Variants in MON2 observed in about 807,000 individuals in gnomAD.
The protein encoded by MON2 is protein MON2 homolog.
Under a neutral mutation model 208.6 loss-of-function variants are expected in MON2, and 84 were observed. The ratio of observed to expected loss-of-function variants is 0.40; its 90% confidence interval spans 0.34 to 0.48. The LOEUF (loss-of-function observed/expected upper bound fraction) is 0.48, where lower values mean the gene tolerates loss of function less well. Ranked by LOEUF, MON2 falls within the 20% of genes least tolerant of loss-of-function variation. MON2 has a pLI of 0.59. For missense variants in MON2, 1,611 were observed against 2,015.4 expected (o/e 0.80, Z 3.84); for synonymous variants, 660 against 694.0 (o/e 0.95, Z 0.77).
intron 2 of MON2, among the ~76,000 whole-genome samples, chr12:62,493,603 T>C (rs2070302861): frequency 6.6e-6 from 1 of 152,156 alleles, no homozygotes; most frequent in East Asian, 1.9e-4. Flanking sequence ...GAGTGCTTTT[T>C]TGAGGTGGGA....
At chr12:62,492,978 A>T (rs2070251259) in intron 2 of MON2, among the ~76,000 whole-genome samples, 2 of 151,738 alleles carry the variant, frequency 1.3e-5, no homozygotes, top group African/African-American at 2.4e-5. Flanking sequence ...ATTCCATCTC[A>T]GAAAAACAAA....
chr12:62,499,088 T>C lies in MON2; in HGVS notation c.565+40T>C, dbSNP rs1415797131. 8 of 1,596,696 alleles carry C rather than the reference T, an allele frequency of 5.0e-6. No individual in the cohort carries two copies. The South Asian group carries it at 9.1e-5, about 18-fold the overall frequency. ...GTTGTTTTACTTTGTGGGTGGTTCTTGGATGATTTCATTTGTATTAACTTT... is the reference window on the plus strand; with the variant it reads ...GTTGTTTTACTTTGTGGGTGGTTCTCGGATGATTTCATTTGTATTAACTTT... On this transcript the variant is annotated intron_variant, in intron 5 of 34. Transcript: ENST00000393630.
chr12:62,546,875 T>C, intron 21 of MON2, 22 bp from the exon 22 acceptor site: 12 of 1,562,124 alleles, frequency 7.7e-6, no homozygotes, highest in Non-Finnish European at 8.7e-6. Context: ...TCTTCCTAAT[T>C]AGTTTCTTGC....
At chr12:62,502,396 A>C (rs1426358669) in intron 7 of MON2, among the ~76,000 whole-genome samples, 1 of 148,662 alleles carries the variant, frequency 6.7e-6, no homozygotes, top group African/African-American at 2.5e-5. Context: ...GCGAGACCCC[A>C]TTTCTTAAAT....
At chr12:62,583,264 C>T (rs1189478793) in intron 32 of MON2, among the ~76,000 whole-genome samples, 3 of 151,872 alleles carry the variant, frequency 2.0e-5, no homozygotes, top group Non-Finnish European at 4.4e-5. Flanking sequence ...CCCAGGAGAA[C>T]AAGGCTGCAA....
At chr12:62,506,217 C>T (rs1283256849) in intron 7 of MON2, among the ~76,000 whole-genome samples, 1 of 152,054 alleles carries the variant, frequency 6.6e-6, no homozygotes, top group Non-Finnish European at 1.5e-5. Flanking sequence ...GATAAACTAA[C>T]TGTAGATGTG....
chr12:62,477,354 C>T (rs2069145092), intron 1 of MON2, among the ~76,000 whole-genome samples: 1 of 151,970 alleles, frequency 6.6e-6, no homozygotes, highest in South Asian at 2.1e-4. Flanking sequence ...AGGCTATGTT[C>T]TTCTCTCATT....
chr12:62,591,214 C>CA (rs1230369810), intron 34 of MON2, among the ~76,000 whole-genome samples: 3 of 152,124 alleles, frequency 2.0e-5, no homozygotes, highest in African/African-American at 7.2e-5. Flanking sequence ...TGTTAAGCAG[C>CA]AAAATTCTTT....
chr12:62,536,468 T>G (rs1427394678), intron 14 of MON2, among the ~76,000 whole-genome samples: 19 of 152,024 alleles, frequency 1.2e-4, no homozygotes, highest in Non-Finnish European at 1.5e-5. Flanking sequence ...CCCAAGTAGT[T>G]GTTATTACAT....
intron 2 of MON2, among the ~76,000 whole-genome samples, chr12:62,491,787 T>G (rs2070156310): frequency 6.6e-6 from 1 of 152,218 alleles, no homozygotes; most frequent in Non-Finnish European, 1.5e-5. Flanking sequence ...TAAATGTAAC[T>G]TGGTTACTAT....
Position 62,546,881 on chromosome 12 carries a change from C to A in MON2, c.2578-16C>A. ...TTGGACTTCTCTTCCTAATTAGTTT[C>A]TTGCCCCCTTTTCAGAGGCTGCAGT... is the stretch of plus-strand genomic sequence containing the variant. On this transcript the variant is annotated splice_polypyrimidine_tract_variant and intron_variant, in intron 21 of 34. Transcript: ENST00000393630. 3 of 1,574,856 alleles carry A rather than the reference C, an allele frequency of 1.9e-6. No homozygotes were observed. Among genetic ancestry groups the A allele is most frequent in the Non-Finnish European group, 8.6e-7 (1 of 1,159,174 alleles).
chr12:62,511,339 A>G (rs1049009432), intron 8 of MON2, among the ~76,000 whole-genome samples: 1 of 152,162 alleles, frequency 6.6e-6, no homozygotes, highest in African/African-American at 2.4e-5. Flanking sequence ...GAAGTCTCAC[A>G]CTCCCTGATT....
At chr12:62,502,273 T>C (rs1228695990) in intron 7 of MON2, among the ~76,000 whole-genome samples, 1 of 151,998 alleles carries the variant, frequency 6.6e-6, no homozygotes, top group Non-Finnish European at 1.5e-5. Context: ...TGGTGGTGCA[T>C]GTCTGTATTC....
At position 62,597,206 on chromosome 12, in the gene MON2, C is replaced by T. The variant is rs932499850; in HGVS notation, c.*4457C>T. 1 of 151,956 alleles carries T rather than the reference C, an allele frequency of 6.6e-6. No individual in the cohort carries two copies. The highest frequency in any genetic ancestry group is 2.4e-5 in the African/African-American group (1 of 41,358). The allele number at this position is 151,956 out of a possible 1,614,324, so 9.4% of individuals were successfully genotyped here. On this transcript the variant is annotated 3_prime_UTR_variant, in exon 35 of 35. Coordinates refer to ENST00000393630, the MANE Select transcript of MON2 (RefSeq NM_015026.3). ...ATTTTTCTTCCTTTTTCTTGGACAT[C>T]ACTTTCTTCCCTCCCCTTCTCTCTT...
Position 62,593,388 on chromosome 12 carries a change from A to C in MON2, c.*639A>C, listed in dbSNP as rs1226797676. ...ACATTTTTACTTATAATTTGCCTTC[A>C]TATGTGGCGGATAAGCTCACCATAT... On this transcript the variant is annotated 3_prime_UTR_variant, in exon 35 of 35. Transcript: ENST00000393630. The C allele has an allele frequency of 6.6e-6, 1 of 152,478 alleles. No individual in the cohort carries two copies. Among genetic ancestry groups the C allele is most frequent in the African/African-American group, 2.4e-5 (1 of 41,448 alleles). 9.4% of individuals were successfully genotyped at this position (152,478 alleles called of 1,614,324 possible).
Position 62,498,938 on chromosome 12 carries a change from G to T in MON2, c.455G>T (p.Arg152Leu). The change falls in exon 5 of 35, where the codon CGA becomes CTA. Residue 152 changes from arginine (R) to leucine (L), a missense_variant. By Grantham distance (102) the Arg-to-Leu change is moderately radical (BLOSUM62 -2). Transcript: ENST00000393630. ...ALSKAIVLCF[R>L]LHFTKDNITN... Reference sequence around the variant, plus strand: ...TTTCAGGCAATCGTTCTTTGTTTTCGACTACACTTCACAAAAGATAATATT... The same window carrying T: ...TTTCAGGCAATCGTTCTTTGTTTTCTACTACACTTCACAAAAGATAATATT... 1 of 1,601,514 alleles carries T rather than the reference G, an allele frequency of 6.2e-7. No individual in the cohort carries two copies. Among genetic ancestry groups the T allele is most frequent in the Admixed American group, 1.7e-5 (1 of 57,900 alleles).
chr12:62,491,419 G>C (rs2070133147), intron 2 of MON2, among the ~76,000 whole-genome samples: 1 of 151,978 alleles, frequency 6.6e-6, no homozygotes, highest in Non-Finnish European at 1.5e-5. Context: ...TGATACTATG[G>C]GTATGTCTTA....
intron 1 of MON2, among the ~76,000 whole-genome samples, chr12:62,469,880 TA>T (rs1175509490): frequency 7.5e-6 from 1 of 133,652 alleles, no homozygotes. Flanking sequence ...GCTTGACTAT[TA>T]TTTTATTTAT....
intron 25 of MON2, among the ~76,000 whole-genome samples, chr12:62,558,189 G>C (rs1437254455): frequency 2.6e-5 from 4 of 151,182 alleles, no homozygotes; most frequent in Non-Finnish European, 5.9e-5. Context: ...TGTTGGTCAG[G>C]CTAGTCTCAA....
Sources: allele counts gnomAD v4.1 joint callset (sites outside exome capture counted in the v4.1 genomes callset), GRCh38; gene constraint gnomAD v4.1.1; transcripts MANE v1.5; gene names NCBI Gene and HGNC (gene_info 2026-07-23, HGNC 2026-07-21).